GLIS1: variants seen among roughly 807,000 people sequenced by gnomAD.
The protein encoded by GLIS1 is GLIS family zinc finger 1.
Under a neutral mutation model 63.8 loss-of-function variants are expected in GLIS1, and 24 were observed. That is an observed-to-expected ratio of 0.38 (90% CI 0.27 to 0.53). The LOEUF (loss-of-function observed/expected upper bound fraction) is 0.53. Among genes scored for constraint, GLIS1 ranks in the 20% least tolerant of loss-of-function variants. The pLI is 0.85. For synonymous variants in GLIS1, 450 were observed against 482.5 expected, an observed-to-expected ratio of 0.93 and a Z score of 0.88; for missense variants, 1,036 against 1,074.1, an observed-to-expected ratio of 0.96 and a Z score of 0.50.
chr1:53,582,562 G>T (rs1277233395), intron 4 of GLIS1, among the ~76,000 whole-genome samples: 1 of 152,178 alleles, frequency 6.6e-6, no homozygotes, highest in African/African-American at 2.4e-5. Flanking sequence ...GGCATCAGAG[G>T]AGCTGCTGAA....
At chr1:53,588,764 T>A (rs1215183011) in intron 4 of GLIS1, among the ~76,000 whole-genome samples, 1 of 152,066 alleles carries the variant, frequency 6.6e-6, no homozygotes, top group Non-Finnish European at 1.5e-5. Flanking sequence ...AAGGAAGAGG[T>A]TGGGCAAAAG....
At chr1:53,613,446 G>C (rs1645446833) in intron 2 of GLIS1, among the ~76,000 whole-genome samples, 1 of 152,124 alleles carries the variant, frequency 6.6e-6, no homozygotes, top group African/African-American at 2.4e-5. Context: ...ATTTATAACA[G>C]AAAAGAATAG....
At chr1:53,701,076 T>C (rs888910262) in intron 2 of GLIS1, among the ~76,000 whole-genome samples, 4 of 152,260 alleles carry the variant, frequency 2.6e-5, no homozygotes, top group African/African-American at 9.6e-5. Context: ...AATACTGCTA[T>C]TAACATTTTG....
chr1:53,523,750 C>T (rs564671905), intron 6 of GLIS1, among the ~76,000 whole-genome samples: 9 of 152,328 alleles, frequency 5.9e-5, no homozygotes, highest in East Asian at 5.8e-4. Flanking sequence ...AACTCACACA[C>T]GGCTCGTCCA....
chr1:53,675,907 T>C (rs1646206788), intron 2 of GLIS1, among the ~76,000 whole-genome samples: 1 of 136,200 alleles, frequency 7.3e-6, no homozygotes. Flanking sequence ...CCACCTCCTC[T>C]CCCTACCTGG....
intron 6 of GLIS1, 33 bp from the exon 7 acceptor site, chr1:53,520,799 G>A: frequency 6.4e-7 from 1 of 1,574,164 alleles, no homozygotes; most frequent in Non-Finnish European, 8.6e-7. Context: ...GGAGGTGTTA[G>A]TGTGAGACCC....
At chr1:53,619,166 G>A (rs1054387358) in intron 2 of GLIS1, among the ~76,000 whole-genome samples, 3 of 152,196 alleles carry the variant, frequency 2.0e-5, no homozygotes, top group Admixed American at 1.3e-4. Context: ...GTCTGGCCTG[G>A]TTGCCGCCTC....
At chr1:53,575,535 C>T (rs1006996875) in intron 4 of GLIS1, among the ~76,000 whole-genome samples, 1 of 152,140 alleles carries the variant, frequency 6.6e-6, no homozygotes, top group African/African-American at 2.4e-5. Context: ...TGTCCAAGTC[C>T]CCTCCTCTGA....
intron 2 of GLIS1, among the ~76,000 whole-genome samples, chr1:53,694,804 G>A (rs1252564620): frequency 6.6e-6 from 1 of 152,220 alleles, no homozygotes; most frequent in East Asian, 1.9e-4. Flanking sequence ...AATCCAGGCT[G>A]TAGGGTCACT....
intron 2 of GLIS1, among the ~76,000 whole-genome samples, chr1:53,676,830 G>A (rs1167761294): frequency 6.6e-6 from 1 of 152,152 alleles, no homozygotes; most frequent in African/African-American, 2.4e-5. Context: ...TCATTTCAGG[G>A]CTAGGAGTTC....
intron 2 of GLIS1, among the ~76,000 whole-genome samples, chr1:53,686,931 G>C (rs962825491): frequency 6.6e-6 from 1 of 152,144 alleles, no homozygotes; most frequent in African/African-American, 2.4e-5. Context: ...TCACCTAACT[G>C]AACTTCCTGA....
At chr1:53,650,161 CAG>C (rs950205633) in intron 2 of GLIS1, among the ~76,000 whole-genome samples, 12 of 152,094 alleles carry the variant, frequency 7.9e-5, no homozygotes, top group Non-Finnish European at 1.6e-4. Flanking sequence ...TATATTGAAA[CAG>C]GGGTGGGGGT....
At chr1:53,690,229 C>T (rs3013771) in intron 2 of GLIS1, among the ~76,000 whole-genome samples, 98,836 of 152,210 alleles carry the variant, frequency 0.65, 33,705 homozygotes, top group Non-Finnish European at 0.74. Context: ...CGCCCAGCAA[C>T]GCTCGGCACC....
intron 2 of GLIS1, among the ~76,000 whole-genome samples, chr1:53,633,238 C>A (rs1364810046): frequency 2.0e-5 from 2 of 100,174 alleles, no homozygotes; most frequent in South Asian, 7.3e-4. Context: ...ACTGGAGGGG[C>A]GTGTGAAGGG....
At chr1:53,509,425 AGG>A in intron 9 of GLIS1, 138 bp from the exon 10 acceptor site, 1 of 949,110 alleles carries the variant, frequency 1.1e-6, no homozygotes, top group Admixed American at 2.8e-5. Context: ...AGGAGGGCCC[AGG>A]GCAGAGGAGG....
At chr1:53,596,385 C>A (rs995400518) in intron 3 of GLIS1, among the ~76,000 whole-genome samples, 8 of 152,120 alleles carry the variant, frequency 5.3e-5, no homozygotes, top group Non-Finnish European at 1.2e-4. Context: ...AGGACACCCC[C>A]CTGGCTGGCT....
chr1:53,513,584 C>T (rs1046146888), intron 8 of GLIS1, among the ~76,000 whole-genome samples: 1 of 152,198 alleles, frequency 6.6e-6, no homozygotes. Context: ...GCAGCCACAC[C>T]CCACTGGGCT....
In GLIS1 at chr1:53,705,868, G is replaced by A. The variant is rs116532547; in HGVS notation, c.259+31938C>T. Among the ~76,000 whole-genome samples the A allele has an allele frequency of 7.7e-3, 1,169 of 152,288 alleles. 5 individuals carry two copies. The highest frequency in any genetic ancestry group is 0.011 in the Non-Finnish European group (773 of 68,030). On this transcript the variant is annotated intron_variant, in intron 2 of 10. Coordinates refer to ENST00000628545, the MANE Select transcript of GLIS1 (RefSeq NM_001367484.1). ...CTGAGCTTTCCCATCAATGCTCCCG[G>A]GAAGTCCGAGGAAGGCCAAGGTAAT...
At chr1:53,533,549 T>C (rs1376941676) in intron 4 of GLIS1, among the ~76,000 whole-genome samples, 1 of 152,234 alleles carries the variant, frequency 6.6e-6, no homozygotes, top group Non-Finnish European at 1.5e-5. Context: ...AATGAGCAGC[T>C]GGCTGGGATG....
Sources: gnomAD v4.1 joint callset for allele counts (sites outside exome capture counted in the v4.1 genomes callset) on GRCh38, gnomAD v4.1.1 for gene constraint, MANE v1.5 for transcripts, NCBI Gene and HGNC (gene_info 2026-07-23, HGNC 2026-07-21) for gene names.